TRPM3: variants seen among roughly 807,000 people sequenced by gnomAD.
TRPM3 encodes the protein long transient receptor potential channel 3.
Under a neutral mutation model 181.2 loss-of-function variants are expected in TRPM3, and 77 were observed. The ratio of observed to expected loss-of-function variants is 0.42; its 90% CI spans 0.35 to 0.51. The LOEUF (loss-of-function observed/expected upper bound fraction) is 0.51. Ranked by LOEUF, TRPM3 falls within the 20% of genes least tolerant of loss-of-function variation. The pLI is 0.01. For synonymous variants in TRPM3, 745 were observed against 796.4 expected (o/e 0.94, Z 1.09); for missense variants, 1,759 against 2,196.7 (o/e 0.80, Z 3.98).
chr9:70,547,446 C>G (rs1264434312), intron 25 of TRPM3, among the ~76,000 whole-genome samples: 1 of 150,730 alleles, frequency 6.6e-6, no homozygotes, highest in African/African-American at 2.4e-5. Context: ...CTTGGTTAAT[C>G]TCTGTTCCCT....
At chr9:71,045,436 G>C (rs958965979) in intron 1 of TRPM3, among the ~76,000 whole-genome samples, 1 of 152,158 alleles carries the variant, frequency 6.6e-6, no homozygotes, top group African/African-American at 2.4e-5. Flanking sequence ...AACTCCTGAA[G>C]ACAGATACTG....
intron 1 of TRPM3, among the ~76,000 whole-genome samples, chr9:70,943,417 G>C (rs1289157361): frequency 6.6e-6 from 1 of 152,152 alleles, no homozygotes; most frequent in Non-Finnish European, 1.5e-5. Context: ...ATAACATATA[G>C]TTCCTATATA....
intron 24 of TRPM3, among the ~76,000 whole-genome samples, chr9:70,550,416 G>C (rs1040086660): frequency 6.6e-6 from 1 of 152,182 alleles, no homozygotes; most frequent in East Asian, 1.9e-4. Flanking sequence ...CTGGATCTTT[G>C]ACTTCAATGA....
chr9:70,581,748 G>A (rs1045636730), intron 22 of TRPM3, among the ~76,000 whole-genome samples: 1 of 152,146 alleles, frequency 6.6e-6, no homozygotes, highest in East Asian at 1.9e-4. Flanking sequence ...GGCAACCACC[G>A]CCGGCATGGT....
intron 1 of TRPM3, among the ~76,000 whole-genome samples, chr9:71,382,929 C>A (rs949071964): frequency 1.3e-5 from 2 of 151,898 alleles, no homozygotes; most frequent in Non-Finnish European, 2.9e-5. Context: ...TTTTCAGGAC[C>A]GAGATACTTA....
rs1287479475 is a variant in TRPM3, at chr9:70,532,139, G to A, written c.*3814C>T. The A allele has an allele frequency of 2.0e-5, 3 of 152,136 alleles. No individual in the cohort carries two copies. The highest frequency in any genetic ancestry group is 6.5e-5 in the Admixed American group (1 of 15,278). 9.4% of individuals were successfully genotyped at this position (152,136 alleles called of 1,614,324 possible). A position where few individuals can be genotyped will look rare whatever the true frequency, so the allele number is the denominator to read the frequency against. ...CAACATATGAATGGTATAGCCTATAGATAGAGCATGATGGATGACCGGGTA... is the reference window on the plus strand; with the variant it reads ...CAACATATGAATGGTATAGCCTATAAATAGAGCATGATGGATGACCGGGTA... On this transcript the variant is annotated 3_prime_UTR_variant, in exon 26 of 26. Coordinates refer to ENST00000677713, the MANE Select transcript of TRPM3 (RefSeq NM_001366145.2).
intron 1 of TRPM3, among the ~76,000 whole-genome samples, chr9:71,325,264 C>T (rs570610044): frequency 3.9e-5 from 6 of 152,196 alleles, no homozygotes; most frequent in East Asian, 3.9e-4. Context: ...TTAGTGAAAT[C>T]GGACAAATAT....
chr9:70,585,810 C>T (rs2057015362), intron 22 of TRPM3, among the ~76,000 whole-genome samples: 2 of 152,162 alleles, frequency 1.3e-5, no homozygotes, highest in Admixed American at 6.5e-5. Context: ...GGACTTTCCA[C>T]ATTTTTGCTT....
At chr9:71,170,315 G>C (rs2076788330) in intron 1 of TRPM3, among the ~76,000 whole-genome samples, 1 of 152,160 alleles carries the variant, frequency 6.6e-6, no homozygotes, top group Non-Finnish European at 1.5e-5. Flanking sequence ...AGAAACCCCA[G>C]TATTTAGATC....
chr9:71,270,622 A>G (rs1444178861), intron 1 of TRPM3, among the ~76,000 whole-genome samples: 3 of 152,162 alleles, frequency 2.0e-5, no homozygotes, highest in Non-Finnish European at 4.4e-5. Context: ...TTCTGGCCTC[A>G]GTGCAACTGT....
chr9:70,665,642 C>G (rs1038827889), intron 9 of TRPM3, among the ~76,000 whole-genome samples: 1 of 152,114 alleles, frequency 6.6e-6, no homozygotes, highest in South Asian at 2.1e-4. Context: ...AGCTGAGAAA[C>G]ATGTTACTAA....
intron 1 of TRPM3, among the ~76,000 whole-genome samples, chr9:71,381,086 A>G (rs2092789369): frequency 6.6e-6 from 1 of 152,114 alleles, no homozygotes; most frequent in Non-Finnish European, 1.5e-5. Context: ...TAAGAAATAC[A>G]AGACAATTAC....
At chr9:71,012,761 T>C (rs2097756210) in intron 1 of TRPM3, among the ~76,000 whole-genome samples, 1 of 152,036 alleles carries the variant, frequency 6.6e-6, no homozygotes, top group African/African-American at 2.4e-5. Flanking sequence ...AATATTCCAC[T>C]GAAATTTTTT....
chr9:71,055,442 T>G (rs80037251), intron 1 of TRPM3, among the ~76,000 whole-genome samples: 1,962 of 152,078 alleles, frequency 0.013, 32 homozygotes, highest in African/African-American at 0.045. Flanking sequence ...TGATGAGTAA[T>G]AGAATCAAGA....
In TRPM3 at chr9:71,300,259, A is replaced by C. The variant is rs553564253; in HGVS notation, c.183+146394T>G. Among the ~76,000 whole-genome samples the C allele has an allele frequency of 1.2e-3, 178 of 152,218 alleles. 1 individual carries two copies. Among genetic ancestry groups the C allele is most frequent in the African/African-American group, 3.8e-3 (156 of 41,560 alleles). The stretch of plus-strand genomic sequence containing the variant: ...ATAATCTCGTTGGTGGTCAAAACAC[A>C]CTTTCAAAATGCATGAATCTGCAAG... On this transcript the variant is annotated intron_variant, in intron 1 of 24. Transcript: ENST00000357533.
intron 1 of TRPM3, among the ~76,000 whole-genome samples, chr9:70,890,285 C>T (rs139342598): frequency 1.8e-4 from 27 of 151,678 alleles, no homozygotes; most frequent in Admixed American, 1.1e-3. Context: ...AGGAAGCAAA[C>T]GTGAGGCTAT....
intron 25 of TRPM3, among the ~76,000 whole-genome samples, chr9:70,544,865 T>C (rs1197921209): frequency 6.6e-6 from 1 of 152,188 alleles, no homozygotes; most frequent in Non-Finnish European, 1.5e-5. Flanking sequence ...AAAAAAGCCC[T>C]GGTTGAATTC....
intron 1 of TRPM3, among the ~76,000 whole-genome samples, chr9:70,998,761 C>T (rs371449417): frequency 3.9e-5 from 6 of 152,280 alleles, no homozygotes; most frequent in African/African-American, 1.4e-4. Context: ...ACTCCTGGAA[C>T]TCGGATTACA....
intron 8 of TRPM3, among the ~76,000 whole-genome samples, chr9:70,752,395 A>T (rs1375361169): frequency 8.5e-5 from 13 of 152,200 alleles, no homozygotes; most frequent in Admixed American, 7.2e-4. Flanking sequence ...ACACAAAAAA[A>T]ATCAGTTATG....
Sources: allele counts gnomAD v4.1 joint callset (sites outside exome capture counted in the v4.1 genomes callset), GRCh38; gene constraint gnomAD v4.1.1; transcripts MANE v1.5; gene names NCBI Gene and HGNC (gene_info 2026-07-23, HGNC 2026-07-21).